Variants in PECR observed in about 807,000 individuals in gnomAD.
The protein encoded by PECR is peroxisomal trans-2-enoyl-CoA reductase.
Under a neutral mutation model 35.3 loss-of-function variants are expected in PECR, and 30 were observed. That is an observed-to-expected ratio of 0.85 (90% CI 0.64 to 1.15). PECR has a LOEUF of 1.15. Among genes scored for constraint, PECR ranks in the 50% most tolerant of loss-of-function variants. PECR has a pLI of 0.00. For synonymous variants in PECR, 148 were observed against 138.9 expected (o/e 1.07, Z -0.46); for missense variants, 392 against 370.8 (o/e 1.06, Z -0.47).
At chr2:216,039,653 G>A (rs896713710) in intron 7 of PECR, among the ~76,000 whole-genome samples, 1 of 152,182 alleles carries the variant, frequency 6.6e-6, no homozygotes, top group Non-Finnish European at 1.5e-5. Context: ...CACCATGTGT[G>A]CAGTGCTTCG....
chr2:216,057,121 G>A (rs959904478), intron 4 of PECR, among the ~76,000 whole-genome samples: 12 of 152,138 alleles, frequency 7.9e-5, no homozygotes, highest in African/African-American at 2.2e-4. Flanking sequence ...TTTCTAAAGG[G>A]CAGTTTGGCA....
intron 7 of PECR, among the ~76,000 whole-genome samples, chr2:216,030,295 C>A (rs1300756616): frequency 1.3e-5 from 2 of 152,146 alleles, no homozygotes; most frequent in Non-Finnish European, 2.9e-5. Flanking sequence ...TCTCTCAGTA[C>A]AGGGCAGGGG....
chr2:216,081,404 T>C (rs1030364009), intron 1 of PECR, among the ~76,000 whole-genome samples: 1 of 152,036 alleles, frequency 6.6e-6, no homozygotes, highest in Non-Finnish European at 1.5e-5. Flanking sequence ...TTGGCCTGAG[T>C]GGTCTCTTCA....
intron 1 of PECR, among the ~76,000 whole-genome samples, chr2:216,074,493 AAAGGAAGGAAGGAAGGAAGGAAGG>A (rs751542181): frequency 2.0e-4 from 26 of 133,116 alleles, no homozygotes; most frequent in Non-Finnish European, 2.6e-4. Context: ...AGAAAGAAAA[AAAGGAAGGAAGGAAGGAAGGAAGG>A]AAGGAAGGAA....
intron 1 of PECR, among the ~76,000 whole-genome samples, chr2:216,079,778 T>G (rs1242427293): frequency 6.7e-6 from 1 of 149,870 alleles, no homozygotes; most frequent in Non-Finnish European, 1.5e-5. Flanking sequence ...GGTCGGGAGT[T>G]GGAGACCAGC....
At chr2:216,045,012 C>G (rs756507826) in intron 6 of PECR, among the ~76,000 whole-genome samples, 1 of 152,086 alleles carries the variant, frequency 6.6e-6, no homozygotes, top group African/African-American at 2.4e-5. Context: ...TTTAAAAGGC[C>G]CCCAGGCAGG....
intron 1 of PECR, among the ~76,000 whole-genome samples, chr2:216,078,926 CAG>C (rs1695767139): frequency 6.6e-6 from 1 of 151,358 alleles, no homozygotes; most frequent in Admixed American, 6.6e-5. Context: ...ACTTATGCAA[CAG>C]GATGAAAGTT....
intron 1 of PECR, among the ~76,000 whole-genome samples, chr2:216,079,609 T>G (rs2105972848): frequency 6.6e-6 from 1 of 151,364 alleles, no homozygotes; most frequent in African/African-American, 2.4e-5. Flanking sequence ...CCTTGTGCTC[T>G]GCCCGCCTCG....
intron 7 of PECR, among the ~76,000 whole-genome samples, chr2:216,029,454 C>T (rs1033498394): frequency 2.4e-5 from 3 of 127,088 alleles, no homozygotes; most frequent in South Asian, 2.6e-4. Context: ...CTCCGCCTGG[C>T]GAGAGAGTGA....
At chr2:216,067,199 G>C (rs924447312) in intron 1 of PECR, among the ~76,000 whole-genome samples, 2 of 152,134 alleles carry the variant, frequency 1.3e-5, no homozygotes. Context: ...CAGGGGATAG[G>C]GAGAAAAGAT....
intron 5 of PECR, among the ~76,000 whole-genome samples, chr2:216,050,052 T>C (rs965444422): frequency 2.6e-5 from 4 of 152,050 alleles, no homozygotes; most frequent in South Asian, 2.1e-4. Context: ...ACTATGTCTC[T>C]ACAAAAAATA....
chr2:216,061,822 T>C (rs1029295081), intron 3 of PECR, among the ~76,000 whole-genome samples: 2 of 152,212 alleles, frequency 1.3e-5, no homozygotes, highest in African/African-American at 4.8e-5. Flanking sequence ...AGTGATTTTA[T>C]TGAATTACTG....
chr2:216,069,579 T>A (rs904227483), intron 1 of PECR, among the ~76,000 whole-genome samples: 1 of 152,062 alleles, frequency 6.6e-6, no homozygotes, highest in Non-Finnish European at 1.5e-5. Context: ...ATGAGGAAAG[T>A]GCCTGTGACA....
chr2:216,062,672 G>A (rs1695379248), intron 3 of PECR, among the ~76,000 whole-genome samples: 1 of 152,074 alleles, frequency 6.6e-6, no homozygotes. Flanking sequence ...GGGCAGAGAA[G>A]CACAAAGAAA....
At chr2:216,029,881 C>T (rs568801164) in intron 7 of PECR, among the ~76,000 whole-genome samples, 1 of 152,314 alleles carries the variant, frequency 6.6e-6, no homozygotes, top group South Asian at 2.1e-4. Flanking sequence ...GAGGAATGTG[C>T]ATGCCAAGCA....
At chr2:216,046,289 C>CATATATAT (rs1307643558) in intron 6 of PECR, among the ~76,000 whole-genome samples, 59 of 107,938 alleles carry the variant, frequency 5.5e-4, no homozygotes, top group South Asian at 2.1e-3. Flanking sequence ...TATATATATA[C>CATATATAT]ATACATATAT....
intron 4 of PECR, among the ~76,000 whole-genome samples, chr2:216,051,962 G>A (rs569847444): frequency 3.9e-5 from 6 of 152,254 alleles, no homozygotes; most frequent in South Asian, 4.1e-4. Flanking sequence ...CAAGGCGGGC[G>A]GATCACCTGA....
chr2:216,046,315 T>A (rs1371304325), intron 6 of PECR, among the ~76,000 whole-genome samples: 1,362 of 133,368 alleles, frequency 0.01, 17 homozygotes, highest in African/African-American at 0.034. Flanking sequence ...TATATATTTT[T>A]TTTTTTTTTT....
At chr2:216,074,836 A>G (rs1695663913) in intron 1 of PECR, among the ~76,000 whole-genome samples, 1 of 152,230 alleles carries the variant, frequency 6.6e-6, no homozygotes, top group Non-Finnish European at 1.5e-5. Context: ...GGGTGCAAAC[A>G]TATTACAGGG....
Sources: allele counts gnomAD v4.1 joint callset (sites outside exome capture counted in the v4.1 genomes callset), GRCh38; gene constraint gnomAD v4.1.1; transcripts MANE v1.5; gene names NCBI Gene and HGNC (gene_info 2026-07-23, HGNC 2026-07-21).